NRCAM: variants seen among roughly 807,000 people sequenced by gnomAD.
NRCAM encodes the protein NgCAM-related cell adhesion molecule.
In NRCAM, 83 loss-of-function variants were observed where a neutral mutation model predicts 156.5. The ratio of observed to expected loss-of-function variants is 0.53; its 90% CI spans 0.44 to 0.64. NRCAM has a LOEUF of 0.64. Among genes scored for constraint, NRCAM ranks in the 30% least tolerant of loss-of-function variants. The pLI is 0.00. For missense variants in NRCAM, 1,417 were observed against 1,597.3 expected (o/e 0.89, Z 1.92); for synonymous variants, 538 against 563.9 (o/e 0.95, Z 0.65).
chr7:108,362,422 G>A (rs568259955), intron 2 of NRCAM, among the ~76,000 whole-genome samples: 12 of 152,274 alleles, frequency 7.9e-5, no homozygotes, highest in African/African-American at 2.6e-4. Flanking sequence ...ATGGGTGAAT[G>A]GGTAACCAAA....
intron 1 of NRCAM, among the ~76,000 whole-genome samples, chr7:108,428,368 CCT>C (rs757879999): frequency 3.3e-5 from 5 of 152,070 alleles, no homozygotes; most frequent in Non-Finnish European, 5.9e-5. Flanking sequence ...GCATTTTTGC[CCT>C]GTTTTTTCTT....
intron 11 of NRCAM, among the ~76,000 whole-genome samples, chr7:108,223,165 G>A (rs1226657092): frequency 6.6e-6 from 1 of 152,084 alleles, no homozygotes; most frequent in Non-Finnish European, 1.5e-5. Flanking sequence ...AGCAACTTAT[G>A]GCCATCAACT....
At chr7:108,283,351 T>C (rs750141638) in intron 3 of NRCAM, among the ~76,000 whole-genome samples, 3 of 152,204 alleles carry the variant, frequency 2.0e-5, no homozygotes, top group Non-Finnish European at 4.4e-5. Flanking sequence ...TAATATTTGG[T>C]AGAAAGTGAT....
At chr7:108,423,014 C>T (rs1021650030) in intron 1 of NRCAM, among the ~76,000 whole-genome samples, 1 of 151,990 alleles carries the variant, frequency 6.6e-6, no homozygotes, top group Non-Finnish European at 1.5e-5. Flanking sequence ...CCCAGGGAAA[C>T]CTAGGCAGGA....
intron 3 of NRCAM, among the ~76,000 whole-genome samples, chr7:108,268,874 T>C (rs1269540632): frequency 6.6e-6 from 1 of 152,274 alleles, no homozygotes; most frequent in Non-Finnish European, 1.5e-5. Flanking sequence ...CTTACATGCA[T>C]GGCACTTTGT....
chr7:108,201,344 G>T (rs2078008790), intron 13 of NRCAM, among the ~76,000 whole-genome samples: 1 of 152,146 alleles, frequency 6.6e-6, no homozygotes, highest in Admixed American at 6.5e-5. Flanking sequence ...ATTTTAGACT[G>T]TGATGAATCC....
intron 26 of NRCAM, chr7:108,176,906 T>C (rs1271097946): frequency 9.8e-6 from 2 of 204,180 alleles, no homozygotes; most frequent in Admixed American, 5.7e-5. Context: ...CCCTGTGTTC[T>C]TGCAGGTGGA....
intron 2 of NRCAM, among the ~76,000 whole-genome samples, chr7:108,341,328 G>A (rs2099274501): frequency 6.6e-6 from 1 of 152,164 alleles, no homozygotes; most frequent in African/African-American, 2.4e-5. Context: ...CTGTTTCCTG[G>A]ACACTGGCTC....
rs757035974 is a variant in NRCAM, at chr7:108,240,033, C to A, written c.32G>T (p.Arg11Leu). MQLKIMPKKKRLSAGRVPLIL... is the reference protein window; with the variant it reads MQLKIMPKKKLLSAGRVPLIL... ...CAGGGGCACTCTGCCCGCAGATAAGCGCTTCTTTTTCGGCATTATTTTAAG... is the reference window on the plus strand; with the variant it reads ...CAGGGGCACTCTGCCCGCAGATAAGAGCTTCTTTTTCGGCATTATTTTAAG... The change falls in exon 4 of 33, where the codon CGC becomes CTC. Residue 11 changes from arginine (R) to leucine (L), a missense_variant. Arg to Leu is a moderately radical substitution (Grantham distance 102). Around this residue, in one of 2 missense-constraint regions of NRCAM, gnomAD observed 1,238 missense variants for 1,336.4 expected, o/e 0.93. Coordinates refer to ENST00000379028, the MANE Select transcript of NRCAM (RefSeq NM_001037132.4). 108 of 1,613,112 alleles carry A rather than the reference C, an allele frequency of 6.7e-5. No homozygotes were observed. Among genetic ancestry groups the A allele is most frequent in the Non-Finnish European group, 8.3e-5 (98 of 1,179,356 alleles).
At chr7:108,432,099 G>A (rs539801519) in intron 1 of NRCAM, among the ~76,000 whole-genome samples, 1 of 152,336 alleles carries the variant, frequency 6.6e-6, no homozygotes, top group South Asian at 2.1e-4. Flanking sequence ...TGTGTTAGCA[G>A]TTGCTGGATT....
At chr7:108,304,287 C>G (rs1413495132) in intron 3 of NRCAM, among the ~76,000 whole-genome samples, 1 of 152,104 alleles carries the variant, frequency 6.6e-6, no homozygotes, top group East Asian at 1.9e-4. Context: ...CAGTCATAAA[C>G]CTTGGTTAGT....
At chr7:108,343,643 C>T (rs1329046681) in intron 2 of NRCAM, among the ~76,000 whole-genome samples, 1 of 152,104 alleles carries the variant, frequency 6.6e-6, no homozygotes, top group Non-Finnish European at 1.5e-5. Flanking sequence ...TGGCTAGCCA[C>T]CAAAGAAGGA....
intron 2 of NRCAM, among the ~76,000 whole-genome samples, chr7:108,395,036 GA>G (rs1360652563): frequency 6.6e-6 from 1 of 152,104 alleles, no homozygotes; most frequent in Non-Finnish European, 1.5e-5. Context: ...TAAAAAGCTA[GA>G]AAGTCAACAA....
intron 3 of NRCAM, among the ~76,000 whole-genome samples, chr7:108,265,344 G>C (rs2097060617): frequency 6.6e-6 from 1 of 152,162 alleles, no homozygotes; most frequent in African/African-American, 2.4e-5. Context: ...TGGTGATGGT[G>C]GTTCACCTTG....
Position 108,227,405 on chromosome 7 carries a change from T to A in NRCAM, c.551-1027A>T, listed in dbSNP as rs377175869. Among the ~76,000 whole-genome samples, 12 of 152,334 alleles carry A rather than the reference T, an allele frequency of 7.9e-5. No individual in the cohort carries two copies. In the South Asian group the frequency reaches 2.3e-3, roughly 29 times the overall value. ...AATACACATATACATTGTGTAATGA[T>A]CAAATCATGGTAATTAGCATACCCA... is the stretch of plus-strand genomic sequence containing the variant. On this transcript the variant is annotated intron_variant, in intron 8 of 32. Transcript: ENST00000379028.
At chr7:108,356,225 G>C (rs2099495977) in intron 2 of NRCAM, among the ~76,000 whole-genome samples, 1 of 152,170 alleles carries the variant, frequency 6.6e-6, no homozygotes, top group Admixed American at 6.5e-5. Context: ...GGGATTACAG[G>C]CATAAGCCAC....
chr7:108,300,872 A>G (rs2098596036), intron 3 of NRCAM, among the ~76,000 whole-genome samples: 1 of 152,182 alleles, frequency 6.6e-6, no homozygotes, highest in Admixed American at 6.5e-5. Flanking sequence ...TTTTTAAAAA[A>G]ATTACGTTTT....
rs377441464 is a variant in NRCAM at position 108,349,961 on chromosome 7, A to G, written c.-173-37230T>C. 1.1e-4 allele frequency among the ~76,000 whole-genome samples: 17 copies of G among 152,322 alleles called. No homozygotes were observed. In the East Asian group the frequency reaches 2.3e-3, roughly 21 times the overall value. ...TGACTGGGTTCTTTTCTATGTGATC[A>G]AAGGCATTCCCTACCTTTCCTCACA... On this transcript the variant is annotated intron_variant, in intron 2 of 32. Coordinates refer to ENST00000379028, the MANE Select transcript of NRCAM (RefSeq NM_001037132.4).
intron 2 of NRCAM, among the ~76,000 whole-genome samples, chr7:108,395,818 A>G (rs749311310): frequency 1.1e-4 from 16 of 152,226 alleles, no homozygotes; most frequent in Admixed American, 3.9e-4. Context: ...ATATGGTTGC[A>G]TTCTGTCCTT....
Sources: gnomAD v4.1 joint callset for allele counts (sites outside exome capture counted in the v4.1 genomes callset) on GRCh38, gnomAD v4.1.1 for gene constraint, gnomAD v4.1.1 regional missense constraint, MANE v1.5 for transcripts, NCBI Gene and HGNC (gene_info 2026-07-23, HGNC 2026-07-21) for gene names.